The following RYR3 variants were observed in gnomAD, a reference collection of about 807,000 sequenced individuals.
RYR3 encodes the protein brain ryanodine receptor-calcium release channel.
RYR3 carries 207 observed loss-of-function variants against 584.3 expected under a neutral mutation model. That is an observed-to-expected ratio of 0.35 (90% CI 0.32 to 0.40). The LOEUF is 0.40. Among genes scored for constraint, RYR3 ranks in the 10% least tolerant of loss-of-function variants. The pLI, the probability that RYR3 is intolerant of heterozygous loss-of-function variation, is 1.00. For missense variants in RYR3, 5,616 were observed against 6,089.2 expected (o/e 0.92, Z 2.59); for synonymous variants, 2,416 against 2,248.5 (o/e 1.07, Z -2.11).
chr15:33,655,743 C>T (rs2062789341), intron 32 of RYR3, among the ~76,000 whole-genome samples: 1 of 152,206 alleles, frequency 6.6e-6, no homozygotes, highest in South Asian at 2.1e-4. Context: ...AGGTTCACAC[C>T]CAGCCAGCCC....
intron 60 of RYR3, among the ~76,000 whole-genome samples, chr15:33,759,910 AAAGGGAAGCCCATCAG>A (rs141381357): frequency 0.037 from 5,567 of 152,336 alleles, 333 homozygotes; most frequent in African/African-American, 0.13. Flanking sequence ...GGTTACCCAC[AAAGGGAAGCCCATCAG>A]ACTAACAGTA....
At chr15:33,416,640 C>T (rs1205507936) in intron 1 of RYR3, among the ~76,000 whole-genome samples, 2 of 152,002 alleles carry the variant, frequency 1.3e-5, no homozygotes, top group Non-Finnish European at 2.9e-5. Flanking sequence ...TCTGTAGGTT[C>T]GTTGTTTACT....
chr15:33,609,387 G>A (rs1762366359), intron 18 of RYR3, among the ~76,000 whole-genome samples: 1 of 151,980 alleles, frequency 6.6e-6, no homozygotes, highest in African/African-American at 2.4e-5. Flanking sequence ...TAGCCAACGA[G>A]GTGAAAACCT....
intron 21 of RYR3, 191 bp from the exon 22 acceptor site, chr15:33,629,749 A>T: frequency 4.0e-6 from 2 of 501,334 alleles, no homozygotes. Flanking sequence ...AGCACAAACC[A>T]CTGGCAACTT....
chr15:33,851,563 C>G (rs1597022257), intron 94 of RYR3: 2 of 152,256 alleles, frequency 1.3e-5, no homozygotes, highest in East Asian at 3.9e-4. Flanking sequence ...AGTAAAAAAT[C>G]TGTTTTCTAC....
intron 92 of RYR3, among the ~76,000 whole-genome samples, chr15:33,844,659 C>G (rs2078596979): frequency 1.3e-5 from 2 of 152,188 alleles, no homozygotes; most frequent in Admixed American, 6.5e-5. Context: ...GGTTTTGTCT[C>G]CTTTTTAAAA....
intron 1 of RYR3, among the ~76,000 whole-genome samples, chr15:33,376,709 T>A (rs1354563177): frequency 6.6e-6 from 1 of 152,220 alleles, no homozygotes; most frequent in Non-Finnish European, 1.5e-5. Context: ...CTGTCTAAGG[T>A]CACGTTTTCC....
intron 64 of RYR3, among the ~76,000 whole-genome samples, chr15:33,775,608 T>C (rs930214450): frequency 1.5e-4 from 23 of 152,300 alleles, no homozygotes; most frequent in African/African-American, 5.5e-4. Flanking sequence ...TATTCCCTAC[T>C]TAGAGAACTC....
At chr15:33,679,137 G>A (rs536783080) in intron 38 of RYR3, among the ~76,000 whole-genome samples, 1 of 152,018 alleles carries the variant, frequency 6.6e-6, no homozygotes, top group African/African-American at 2.4e-5. Context: ...ACAGACCACA[G>A]AGGGCATGAG....
chr15:33,589,720 T>C (rs1037362606), intron 16 of RYR3, among the ~76,000 whole-genome samples: 23 of 152,248 alleles, frequency 1.5e-4, no homozygotes, highest in African/African-American at 5.3e-4. Context: ...GAAAAGGGTG[T>C]CCTTTCCATG....
At chr15:33,382,908 A>G (rs1254227419) in intron 1 of RYR3, among the ~76,000 whole-genome samples, 1 of 151,670 alleles carries the variant, frequency 6.6e-6, no homozygotes, top group Admixed American at 6.6e-5. Context: ...GTAATATTTG[A>G]AATTTTAAAC....
chr15:33,647,553 C>G lies in RYR3; in HGVS notation c.3978+93C>G, dbSNP rs546023739. The G allele has an allele frequency of 2.3e-5, 20 of 874,072 alleles. No homozygotes were observed. In the Admixed American group the frequency reaches 2.9e-4, roughly 13 times the overall value. 54.1% of individuals were successfully genotyped at this position (874,072 alleles called of 1,614,324 possible). On this transcript the variant is annotated intron_variant, in intron 30 of 103. Coordinates refer to ENST00000634891, the MANE Select transcript of RYR3 (RefSeq NM_001036.6). Reference sequence around the variant, plus strand: ...TACAGCAAAGATCCGTCTAGAGATCCTCTTTAATTGCCAATTACTCTGTCT... The same window carrying G: ...TACAGCAAAGATCCGTCTAGAGATCGTCTTTAATTGCCAATTACTCTGTCT...
At chr15:33,842,089 T>A (rs1278459925) in intron 91 of RYR3, 54 bp downstream of exon 91, 19 of 1,547,448 alleles carry the variant, frequency 1.2e-5, no homozygotes, top group Admixed American at 7.6e-5. Flanking sequence ...CCCAGGCAGA[T>A]GGCAGAGAGG....
Position 33,656,311 on chromosome 15 carries a change from G to A in RYR3, c.4309-3409G>A, listed in dbSNP as rs148221134. Among the ~76,000 whole-genome samples, 478 of 152,336 alleles carry A rather than the reference G, an allele frequency of 3.1e-3. 2 individuals carry two copies. Among genetic ancestry groups the A allele is most frequent in the African/African-American group, 0.011 (439 of 41,584 alleles). On this transcript the variant is annotated intron_variant, in intron 32 of 103. Transcript: ENST00000634891. ...GCAGTGCTAAATCTGGGCTGGTTGC[G>A]CAATCCATGGGCATGTAAGTTCCTC... is the stretch of plus-strand genomic sequence containing the variant.
chr15:33,670,084 A>G (rs2063751930), intron 37 of RYR3, among the ~76,000 whole-genome samples: 1 of 152,160 alleles, frequency 6.6e-6, no homozygotes. Context: ...TACAGATTCT[A>G]GGGCCACGTC....
chr15:33,712,384 A>G (rs193119325), intron 43 of RYR3, among the ~76,000 whole-genome samples: 10 of 152,332 alleles, frequency 6.6e-5, no homozygotes, highest in Non-Finnish European at 7.4e-5. Flanking sequence ...GAAAAGGAAC[A>G]GAGGTCACAT....
At chr15:33,624,872 C>A (rs1434317587) in intron 20 of RYR3, among the ~76,000 whole-genome samples, 2 of 152,200 alleles carry the variant, frequency 1.3e-5, no homozygotes, top group African/African-American at 4.8e-5. Context: ...CAATATAGCT[C>A]TTTTAGCCTA....
Position 33,511,917 on chromosome 15 carries a change from T to C in RYR3, c.279+8179T>C, listed in dbSNP as rs553278888. 1.3e-3 allele frequency among the ~76,000 whole-genome samples: 202 copies of C among 152,330 alleles called. 2 individuals carry two copies. The highest frequency in any genetic ancestry group is 4.7e-3 in the African/African-American group (197 of 41,584). ...CCTCAGCCTCCCGAGTAGCTGGGACTACAGGCGCCCGCCACCACGCCCGGC... is the reference window on the plus strand; with the variant it reads ...CCTCAGCCTCCCGAGTAGCTGGGACCACAGGCGCCCGCCACCACGCCCGGC... On this transcript the variant is annotated intron_variant, in intron 3 of 103. Transcript: ENST00000634891.
intron 64 of RYR3, among the ~76,000 whole-genome samples, chr15:33,779,452 A>G (rs1750035128): frequency 6.6e-6 from 1 of 152,094 alleles, no homozygotes; most frequent in South Asian, 2.1e-4. Context: ...TTTAGGACCT[A>G]TTGTTTCTGT....
Sources: allele counts gnomAD v4.1 joint callset (sites outside exome capture counted in the v4.1 genomes callset), GRCh38; gene constraint gnomAD v4.1.1; transcripts MANE v1.5; gene names NCBI Gene and HGNC (gene_info 2026-07-23, HGNC 2026-07-21).